Variants in KIF6 observed in about 807,000 individuals in gnomAD.
The protein encoded by KIF6 is kinesin family member 6.
A neutral mutation model predicts 112.7 loss-of-function variants in KIF6; 106 were observed. The observed-to-expected ratio is 0.94, with a 90% CI of 0.80 to 1.11. The LOEUF is 1.11. Among genes scored for constraint, KIF6 ranks in the 50% least tolerant of loss-of-function variants. The probability of loss-of-function intolerance (pLI) is 0.00; values close to 1 mark genes in which losing one functional copy is unlikely to be tolerated. For missense variants in KIF6, 929 were observed against 964.0 expected (o/e 0.96, Z 0.48); for synonymous variants, 339 against 339.9 (o/e 1.00, Z 0.03).
intron 3 of KIF6, among the ~76,000 whole-genome samples, chr6:39,672,846 C>T (rs2150834175): frequency 6.6e-6 from 1 of 152,286 alleles, no homozygotes; most frequent in Middle Eastern, 3.4e-3. Flanking sequence ...TATAGTCACA[C>T]TGGGGGTTAG....
chr6:39,589,158 TC>T (rs1392076760), intron 7 of KIF6, among the ~76,000 whole-genome samples: 7 of 152,178 alleles, frequency 4.6e-5, no homozygotes, highest in African/African-American at 1.7e-4. Flanking sequence ...AAATTGCTGT[TC>T]CTTCTGCCTA....
intron 6 of KIF6, among the ~76,000 whole-genome samples, chr6:39,601,311 T>C (rs1782557985): frequency 6.6e-6 from 1 of 152,108 alleles, no homozygotes; most frequent in Non-Finnish European, 1.5e-5. Context: ...TGGGTTACTG[T>C]AGTCTCTCCC....
intron 13 of KIF6, among the ~76,000 whole-genome samples, chr6:39,483,273 T>C (rs1267306064): frequency 6.6e-6 from 1 of 152,176 alleles, no homozygotes; most frequent in Non-Finnish European, 1.5e-5. Flanking sequence ...TTGCATAAGC[T>C]GTGTAAATAA....
chr6:39,387,664 C>G (rs1478849802), intron 15 of KIF6, among the ~76,000 whole-genome samples: 1 of 152,116 alleles, frequency 6.6e-6, no homozygotes, highest in Non-Finnish European at 1.5e-5. Context: ...ACACCTGAGC[C>G]AGCCACAGCC....
At chr6:39,545,842 A>G (rs6928537) in intron 10 of KIF6, among the ~76,000 whole-genome samples, 154 bp from the exon 11 acceptor site, 42,437 of 151,972 alleles carry the variant, frequency 0.28, 7,990 homozygotes, top group African/African-American at 0.52. Context: ...GGGAAAAGAA[A>G]CATTGACAAA....
At chr6:39,526,262 C>A (rs767218583) in intron 13 of KIF6, among the ~76,000 whole-genome samples, 6 of 152,186 alleles carry the variant, frequency 3.9e-5, no homozygotes, top group Non-Finnish European at 5.9e-5. Context: ...TCTTTGATGC[C>A]TCTGGTTTGA....
intron 9 of KIF6, among the ~76,000 whole-genome samples, 157 bp downstream of exon 9, chr6:39,584,741 G>C (rs1179409966): frequency 6.6e-6 from 1 of 152,146 alleles, no homozygotes; most frequent in Non-Finnish European, 1.5e-5. Context: ...TGGAGATAGA[G>C]ATAGCATCTA....
intron 5 of KIF6, among the ~76,000 whole-genome samples, chr6:39,619,043 G>A (rs1783678620): frequency 6.6e-6 from 1 of 152,076 alleles, no homozygotes; most frequent in Admixed American, 6.6e-5. Context: ...ATTTTACAGA[G>A]TTTCCTTTTT....
At chr6:39,673,713 T>C (rs555539281) in intron 3 of KIF6, among the ~76,000 whole-genome samples, 4 of 152,320 alleles carry the variant, frequency 2.6e-5, no homozygotes, top group Non-Finnish European at 4.4e-5. Flanking sequence ...TGGAAACAGA[T>C]GTAAAATGCT....
intron 13 of KIF6, among the ~76,000 whole-genome samples, chr6:39,477,485 G>A (rs73426707): frequency 0.023 from 3,516 of 152,234 alleles, 110 homozygotes; most frequent in African/African-American, 0.064. Context: ...AGTGATAAAC[G>A]ATAAGGGGCT....
At chr6:39,366,992 G>A (rs1002137269) in intron 16 of KIF6, among the ~76,000 whole-genome samples, 6 of 152,192 alleles carry the variant, frequency 3.9e-5, no homozygotes, top group African/African-American at 1.4e-4. Flanking sequence ...GAAAGGGTCT[G>A]GGAAAGAAAG....
chr6:39,524,873 T>G (rs943389498), intron 13 of KIF6, among the ~76,000 whole-genome samples: 1 of 152,236 alleles, frequency 6.6e-6, no homozygotes, highest in Non-Finnish European at 1.5e-5. Context: ...TCCAGCCTAC[T>G]AATATATGGG....
intron 9 of KIF6, among the ~76,000 whole-genome samples, 170 bp from the exon 10 acceptor site, chr6:39,578,329 ATTTTTTTTT>A (rs35778593): frequency 8.0e-6 from 1 of 125,198 alleles, no homozygotes; most frequent in South Asian, 2.6e-4. Flanking sequence ...ATAGTTCTAG[ATTTTTTTTT>A]TTTTTTTTTT....
At chr6:39,504,583 C>G (rs1286437224) in intron 13 of KIF6, among the ~76,000 whole-genome samples, 1 of 152,130 alleles carries the variant, frequency 6.6e-6, no homozygotes, top group Non-Finnish European at 1.5e-5. Flanking sequence ...ATGACATGAT[C>G]CTATATCTGG....
At chr6:39,553,078 T>C (rs1450792909) in intron 10 of KIF6, among the ~76,000 whole-genome samples, 1 of 152,234 alleles carries the variant, frequency 6.6e-6, no homozygotes, top group Non-Finnish European at 1.5e-5. Context: ...AAGTAGTCAC[T>C]TCAAGAGTTT....
At chr6:39,659,115 A>G (rs1785974362) in intron 3 of KIF6, among the ~76,000 whole-genome samples, 1 of 152,182 alleles carries the variant, frequency 6.6e-6, no homozygotes, top group African/African-American at 2.4e-5. Context: ...GCTGAAATTT[A>G]AACCGGAAAA....
At chr6:39,688,710 C>G (rs981208518) in intron 3 of KIF6, among the ~76,000 whole-genome samples, 3 of 152,282 alleles carry the variant, frequency 2.0e-5, no homozygotes, top group Admixed American at 1.3e-4. Flanking sequence ...ACATATTCCC[C>G]AGAGCCTTGG....
At chr6:39,705,994 T>C (rs1235544345) in intron 3 of KIF6, among the ~76,000 whole-genome samples, 1 of 152,182 alleles carries the variant, frequency 6.6e-6, no homozygotes, top group Non-Finnish European at 1.5e-5. Context: ...GCAGAATCAG[T>C]GCATCTCCGA....
At chr6:39,338,359 G>A (rs1240698166) in intron 22 of KIF6, among the ~76,000 whole-genome samples, 1 of 152,202 alleles carries the variant, frequency 6.6e-6, no homozygotes, top group Non-Finnish European at 1.5e-5. Context: ...GCCAGCTAGT[G>A]CGGAGGAAGA....
Sources: gnomAD v4.1 joint callset for allele counts (sites outside exome capture counted in the v4.1 genomes callset) on GRCh38, gnomAD v4.1.1 for gene constraint, MANE v1.5 for transcripts, NCBI Gene and HGNC (gene_info 2026-07-23, HGNC 2026-07-21) for gene names.